SSH2: variants seen among roughly 807,000 people sequenced by gnomAD.
SSH2 encodes slingshot protein phosphatase 2, also known as protein phosphatase Slingshot homolog 2.
SSH2 carries 37 observed loss-of-function variants against 135.2 expected under a neutral mutation model. That is an observed-to-expected ratio of 0.27 (90% CI 0.21 to 0.36). The LOEUF (loss-of-function observed/expected upper bound fraction) is 0.36. SSH2 is among the 10% of genes least tolerant of loss of function. The probability of loss-of-function intolerance (pLI) is 1.00; values close to 1 mark genes in which losing one functional copy is unlikely to be tolerated. For synonymous variants in SSH2, 628 were observed against 646.2 expected (o/e 0.97, Z 0.43); for missense variants, 1,408 against 1,765.3 (o/e 0.80, Z 3.63).
At chr17:29,882,204 C>T (rs1287533834) in intron 1 of SSH2, among the ~76,000 whole-genome samples, 2 of 152,186 alleles carry the variant, frequency 1.3e-5, no homozygotes, top group Non-Finnish European at 2.9e-5. Flanking sequence ...ACTAATACAA[C>T]TTTTCTAGAA....
intron 3 of SSH2, chr17:29,761,389 A>T (rs1257984748): frequency 9.4e-7 from 1 of 1,065,774 alleles, no homozygotes; most frequent in Admixed American, 5.9e-5. Context: ...GGTCGCGCGG[A>T]GGCAGCCGCC....
intron 2 of SSH2, among the ~76,000 whole-genome samples, chr17:29,801,021 A>G (rs2042242757): frequency 1.3e-5 from 2 of 151,402 alleles, no homozygotes; most frequent in African/African-American, 4.9e-5. Flanking sequence ...GTCTGCCACC[A>G]CCCCCTGTAA....
chr17:29,768,670 T>G (rs148042853), intron 3 of SSH2, among the ~76,000 whole-genome samples: 1 of 152,322 alleles, frequency 6.6e-6, no homozygotes, highest in East Asian at 1.9e-4. Context: ...ATTGGAGCTT[T>G]TCTATAAATT....
chr17:29,889,803 A>G (rs1382251083), intron 1 of SSH2, among the ~76,000 whole-genome samples: 1 of 106,706 alleles, frequency 9.4e-6, no homozygotes, highest in Non-Finnish European at 1.7e-5. Flanking sequence ...CATCTCTACC[A>G]AAAAAAAAAA....
Position 29,626,222 on chromosome 17 carries a change from A to G in SSH2, c.*4619T>C, listed in dbSNP as rs529376351. Reference sequence around the variant, plus strand: ...GGCTTGGGGCAAAGGTAACAGTCAGAGGAGAGTCTTCTGGACTTGTTTTCC... The same window carrying G: ...GGCTTGGGGCAAAGGTAACAGTCAGGGGAGAGTCTTCTGGACTTGTTTTCC... On this transcript the variant is annotated 3_prime_UTR_variant, in exon 16 of 16. Coordinates refer to ENST00000540801, the MANE Select transcript of SSH2 (RefSeq NM_001282129.2). The G allele has an allele frequency of 1.8e-4, 27 of 151,966 alleles. No homozygotes were observed. The highest frequency in any genetic ancestry group is 1.2e-3 in the Admixed American group (18 of 15,222). 9.4% of individuals were successfully genotyped at this position (151,966 alleles called of 1,614,324 possible).
At chr17:29,821,188 T>G (rs1190981052) in intron 2 of SSH2, among the ~76,000 whole-genome samples, 1 of 152,238 alleles carries the variant, frequency 6.6e-6, no homozygotes, top group African/African-American at 2.4e-5. Flanking sequence ...CCTAAAGTCC[T>G]GTTCTTTCTT....
At chr17:29,745,419 GA>G (rs1432399193) in intron 3 of SSH2, among the ~76,000 whole-genome samples, 1 of 152,128 alleles carries the variant, frequency 6.6e-6, no homozygotes, top group African/African-American at 2.4e-5. Flanking sequence ...CTCGGCCTCT[GA>G]AAGTGCTGGG....
intron 11 of SSH2, among the ~76,000 whole-genome samples, chr17:29,658,170 G>C (rs2036870589): frequency 6.6e-6 from 1 of 151,682 alleles, no homozygotes; most frequent in Non-Finnish European, 1.5e-5. Flanking sequence ...CACCCAGCTA[G>C]TTTTGGTATT....
intron 3 of SSH2, among the ~76,000 whole-genome samples, chr17:29,746,079 G>T (rs1318247133): frequency 1.3e-5 from 2 of 152,158 alleles, no homozygotes; most frequent in Non-Finnish European, 2.9e-5. Flanking sequence ...CATCACAGAG[G>T]TAGGATTAAC....
chr17:29,820,734 C>T (rs2042637231), intron 2 of SSH2, among the ~76,000 whole-genome samples: 1 of 152,094 alleles, frequency 6.6e-6, no homozygotes, highest in Non-Finnish European at 1.5e-5. Context: ...AAGAGTGCTG[C>T]CCTGGAGACC....
At chr17:29,656,031 G>A (rs924255117) in intron 11 of SSH2, among the ~76,000 whole-genome samples, 8 of 152,116 alleles carry the variant, frequency 5.3e-5, no homozygotes, top group African/African-American at 1.4e-4. Context: ...CCTAGAGGTC[G>A]GGAACCAGCT....
chr17:29,688,354 A>G (rs2038317446), intron 5 of SSH2, among the ~76,000 whole-genome samples: 1 of 152,126 alleles, frequency 6.6e-6, no homozygotes, highest in African/African-American at 2.4e-5. Context: ...AGCATTTCAA[A>G]TGTTTGGCTC....
intron 1 of SSH2, chr17:29,856,182 A>T: frequency 3.2e-6 from 1 of 308,202 alleles, no homozygotes; most frequent in Non-Finnish European, 6.3e-6. Flanking sequence ...AGAAAAATGT[A>T]TTAATCCTTG....
At chr17:29,683,886 C>T (rs1030900829) in intron 6 of SSH2, among the ~76,000 whole-genome samples, 43 of 152,144 alleles carry the variant, frequency 2.8e-4, no homozygotes, top group African/African-American at 9.4e-4. Flanking sequence ...AATTTGAGGC[C>T]GTAGTGAGCT....
chr17:29,802,484 T>A (rs1344813742), intron 2 of SSH2, among the ~76,000 whole-genome samples: 1 of 151,472 alleles, frequency 6.6e-6, no homozygotes, highest in Non-Finnish European at 1.5e-5. Flanking sequence ...TTTTGTCAGA[T>A]GGAAAATAAG....
intron 1 of SSH2, among the ~76,000 whole-genome samples, chr17:29,869,547 T>A (rs1378138579): frequency 6.6e-6 from 1 of 151,988 alleles, no homozygotes; most frequent in Admixed American, 6.6e-5. Context: ...TAGCCCTAAC[T>A]AACAAAAGCA....
Position 29,794,394 on chromosome 17 carries a change from A to C in SSH2, c.145-457T>G, listed in dbSNP as rs537632220. On this transcript the variant is annotated intron_variant, in intron 2 of 15. Coordinates refer to ENST00000540801, the MANE Select transcript of SSH2 (RefSeq NM_001282129.2). ...TGATCAAATCACCATCAACATCAACATAATGGCTACCACTTGTTGAGTACT... is the reference window on the plus strand; with the variant it reads ...TGATCAAATCACCATCAACATCAACCTAATGGCTACCACTTGTTGAGTACT... 2.2e-3 allele frequency among the ~76,000 whole-genome samples: 334 copies of C among 152,342 alleles called. 1 individual carries two copies. Among genetic ancestry groups the C allele is most frequent in the African/African-American group, 7.9e-3 (329 of 41,576 alleles).
rs1202584803 is a variant in SSH2, at chr17:29,635,961, T to A, written c.2262+7A>T. ...ATTAGGCGGAAAACTATAAAGACAG[T>A]TTTTACCTTTGACTGTTCCTCATCC... is the stretch of plus-strand genomic sequence containing the variant. On this transcript the variant is annotated splice_region_variant and intron_variant, in intron 15 of 15. Coordinates refer to ENST00000540801, the MANE Select transcript of SSH2 (RefSeq NM_001282129.2). 1 of 1,593,968 alleles carries A rather than the reference T, an allele frequency of 6.3e-7. No homozygotes were observed. Among genetic ancestry groups the A allele is most frequent in the Non-Finnish European group, 8.6e-7 (1 of 1,165,662 alleles).
chr17:29,649,213 G>A (rs2036497924), intron 13 of SSH2, among the ~76,000 whole-genome samples: 2 of 152,012 alleles, frequency 1.3e-5, no homozygotes, highest in Admixed American at 1.3e-4. Context: ...ACCCTTAGGT[G>A]CTGATTCATG....
Sources: allele counts gnomAD v4.1 joint callset (sites outside exome capture counted in the v4.1 genomes callset), GRCh38; gene constraint gnomAD v4.1.1; transcripts MANE v1.5; gene names NCBI Gene and HGNC (gene_info 2026-07-23, HGNC 2026-07-21).